The following TRIO variants were observed in gnomAD, a reference collection of about 807,000 sequenced individuals.
The protein encoded by TRIO is triple functional domain protein.
A neutral mutation model predicts 351.9 loss-of-function variants in TRIO; 58 were observed. That is an observed-to-expected ratio of 0.16 (90% confidence interval 0.13 to 0.21). TRIO has a LOEUF of 0.21. TRIO is among the 10% of genes least tolerant of loss of function. The probability of loss-of-function intolerance (pLI) is 1.00; values close to 1 mark genes in which losing one functional copy is unlikely to be tolerated. For missense variants in TRIO, 3,201 were observed against 4,027.8 expected, an observed-to-expected ratio of 0.79 and a Z score of 5.56; for synonymous variants, 1,758 against 1,595.7, an observed-to-expected ratio of 1.10 and a Z score of -2.42.
At chr5:14,468,880 A>G (rs1041002793) in intron 37 of TRIO, among the ~76,000 whole-genome samples, 1 of 152,150 alleles carries the variant, frequency 6.6e-6, no homozygotes, top group East Asian at 1.9e-4. Flanking sequence ...AAACCTGAGG[A>G]TTTGACTCGA....
intron 8 of TRIO, among the ~76,000 whole-genome samples, chr5:14,308,889 CA>C (rs1204865850): frequency 7.9e-5 from 12 of 152,000 alleles, no homozygotes; most frequent in Non-Finnish European, 4.4e-5. Flanking sequence ...TTGACTCAGT[CA>C]CCCAACCACC....
chr5:14,390,326 T>C (rs1025610107), intron 26 of TRIO, 26 bp downstream of exon 26: 27 of 1,609,518 alleles, frequency 1.7e-5, no homozygotes, highest in Non-Finnish European at 2.0e-5. Flanking sequence ...CCATTTGTTC[T>C]CTCCCAGCTA....
chr5:14,338,535 C>T lies in TRIO; in HGVS notation c.2046+1808C>T, dbSNP rs78033133. On this transcript the variant is annotated intron_variant, in intron 11 of 56. Transcript: ENST00000344204. ...TGTGTTACTTTACATGTTTTTACAC[C>T]GTAGCTGAGAGAGAAGGAGAGGGTT... Among the ~76,000 whole-genome samples, 10 of 152,246 alleles carry T rather than the reference C, an allele frequency of 6.6e-5. No homozygotes were observed. The East Asian group carries it at 1.3e-3, about 21-fold the overall frequency.
intron 53 of TRIO, 143 bp downstream of exon 53, chr5:14,498,783 T>A: frequency 7.7e-7 from 1 of 1,304,252 alleles, no homozygotes; most frequent in Non-Finnish European, 1.1e-6. Flanking sequence ...AAAAGACAGT[T>A]GTAAGTAGCA....
chr5:14,345,263 C>A (rs1033028652), intron 11 of TRIO, among the ~76,000 whole-genome samples: 2 of 152,168 alleles, frequency 1.3e-5, no homozygotes, highest in East Asian at 1.9e-4. Context: ...ATACCTGACA[C>A]ATCATAGTCA....
intron 34 of TRIO, among the ~76,000 whole-genome samples, chr5:14,457,890 A>C (rs1323182622): frequency 6.6e-6 from 1 of 150,868 alleles, no homozygotes; most frequent in Non-Finnish European, 1.5e-5. Flanking sequence ...TCCTATGCCA[A>C]CTCCCCCCAA....
chr5:14,379,133 C>G (rs1443307003), intron 20 of TRIO, among the ~76,000 whole-genome samples: 1 of 152,080 alleles, frequency 6.6e-6, no homozygotes, highest in Admixed American at 6.5e-5. Flanking sequence ...AGGTGATTCC[C>G]CCAGCGTCTG....
chr5:14,265,869 A>G lies in TRIO; in HGVS notation c.158-4956A>G, dbSNP rs374640594. Among the ~76,000 whole-genome samples, 14 of 152,328 alleles carry G rather than the reference A, an allele frequency of 9.2e-5. No individual in the cohort carries two copies. The East Asian group carries it at 2.3e-3, about 25-fold the overall frequency. On this transcript the variant is annotated intron_variant, in intron 1 of 56. Transcript: ENST00000344204. ...GTTAGGGCAGAGAGATTAATTTTCC[A>G]TCTTATGAATATAAATCATACTATG... is the stretch of plus-strand genomic sequence containing the variant.
At chr5:14,281,435 CCG>C (rs1266743398) in intron 3 of TRIO, among the ~76,000 whole-genome samples, 30 of 105,978 alleles carry the variant, frequency 2.8e-4, no homozygotes, top group African/African-American at 9.8e-4. Flanking sequence ...CCCCCCCCCC[CCG>C]CCCCGTGATC....
chr5:14,438,866 A>G (rs1243106509), intron 34 of TRIO, among the ~76,000 whole-genome samples: 1 of 151,916 alleles, frequency 6.6e-6, no homozygotes, highest in Admixed American at 6.5e-5. Context: ...CTCTTTACTT[A>G]CTGTATAAAA....
At chr5:14,248,938 C>T (rs574185502) in intron 1 of TRIO, among the ~76,000 whole-genome samples, 6 of 152,190 alleles carry the variant, frequency 3.9e-5, no homozygotes, top group Non-Finnish European at 5.9e-5. Context: ...GGTGATCTCT[C>T]TCACCAGACT....
chr5:14,178,145 A>G lies in TRIO; in HGVS notation c.157+34263A>G, dbSNP rs116294927. On this transcript the variant is annotated intron_variant, in intron 1 of 56. Transcript: ENST00000344204. ...TTCCCTAAAAATAGTCTGCTAGGGC[A>G]GAGATTCCATTCGGCCTTTATTACT... is the stretch of plus-strand genomic sequence containing the variant. Among the ~76,000 whole-genome samples, 976 of 152,290 alleles carry G rather than the reference A, an allele frequency of 6.4e-3. 5 individuals are homozygous for G. The highest frequency in any genetic ancestry group is 9.7e-3 in the Non-Finnish European group (661 of 68,024).
At chr5:14,301,902 T>C (rs549122843) in intron 7 of TRIO, among the ~76,000 whole-genome samples, 2 of 152,194 alleles carry the variant, frequency 1.3e-5, no homozygotes, top group Non-Finnish European at 2.9e-5. Context: ...AACAGAAAAA[T>C]GATGCTGTGC....
At chr5:14,164,702 A>C (rs1330482230) in intron 1 of TRIO, among the ~76,000 whole-genome samples, 1 of 152,182 alleles carries the variant, frequency 6.6e-6, no homozygotes, top group East Asian at 1.9e-4. Context: ...ACCTTTGGTC[A>C]AAATTTTGCT....
At chr5:14,290,540 G>A (rs1485466552) in intron 4 of TRIO, among the ~76,000 whole-genome samples, 176 bp from the exon 5 acceptor site, 1 of 152,174 alleles carries the variant, frequency 6.6e-6, no homozygotes, top group Non-Finnish European at 1.5e-5. Context: ...TCATTGTACT[G>A]ATAATGCTTC....
intron 1 of TRIO, among the ~76,000 whole-genome samples, chr5:14,265,106 C>A (rs1368593199): frequency 7.3e-6 from 1 of 136,902 alleles, no homozygotes; most frequent in Non-Finnish European, 1.6e-5. Context: ...TTTTCCCAAT[C>A]TCTTCCCGCA....
chr5:14,459,114 A>G (rs1016435384), intron 34 of TRIO, among the ~76,000 whole-genome samples: 1 of 152,202 alleles, frequency 6.6e-6, no homozygotes, highest in African/African-American at 2.4e-5. Context: ...TCCTGCCTAA[A>G]ACGCATCATC....
Position 14,465,588 on chromosome 5 carries a change from C to T in TRIO, c.5711C>T (p.Pro1904Leu), listed in dbSNP as rs780426892. ...GTCCGCCCCACCAGCTCCGAAACAC[C>T]GAGTGCAGCCGAGCTCGTCAGTGCA... ...LLVRPTSSET[P>L]SAAELVSAIE... The change falls in exon 37 of 57, where the codon CCG becomes CTG. Residue 1904 changes from proline (P) to leucine (L), a missense_variant. Pro to Leu is a moderately conservative substitution (Grantham distance 98, BLOSUM62 -3). This residue lies in a region of TRIO where 307 missense variants were observed against 396.5 expected (regional missense o/e 0.77). Coordinates refer to ENST00000344204, the MANE Select transcript of TRIO (RefSeq NM_007118.4). 4 of 1,613,988 alleles carry T rather than the reference C, an allele frequency of 2.5e-6. No homozygotes were observed. Among genetic ancestry groups the T allele is most frequent in the African/African-American group, 2.7e-5 (2 of 74,884 alleles).
intron 11 of TRIO, among the ~76,000 whole-genome samples, chr5:14,354,643 G>A (rs1433395081): frequency 6.6e-6 from 1 of 152,218 alleles, no homozygotes; most frequent in African/African-American, 2.4e-5. Flanking sequence ...ACCTTTTTCA[G>A]ATGTACATTT....
Sources: gnomAD v4.1 joint callset for allele counts (sites outside exome capture counted in the v4.1 genomes callset) on GRCh38, gnomAD v4.1.1 for gene constraint, gnomAD v4.1.1 regional missense constraint, MANE v1.5 for transcripts, NCBI Gene and HGNC (gene_info 2026-07-23, HGNC 2026-07-21) for gene names.